The following SPECC1L variants were observed in gnomAD, a reference collection of about 807,000 sequenced individuals.
The protein encoded by SPECC1L is cytospin-A.
SPECC1L carries 40 observed loss-of-function variants against 116.8 expected under a neutral mutation model. That is an observed-to-expected ratio of 0.34 (90% CI 0.27 to 0.45). The LOEUF (loss-of-function observed/expected upper bound fraction) is 0.45. Ranked by LOEUF, SPECC1L falls within the 20% of genes least tolerant of loss-of-function variation. The probability of loss-of-function intolerance (pLI) is 1.00; values close to 1 mark genes in which losing one functional copy is unlikely to be tolerated. For synonymous variants in SPECC1L, 504 were observed against 500.6 expected (o/e 1.01, Z -0.09); for missense variants, 1,110 against 1,373.6 (o/e 0.81, Z 3.03).
intron 11 of SPECC1L, among the ~76,000 whole-genome samples, chr22:24,356,698 C>T (rs536960425): frequency 1.3e-5 from 2 of 152,170 alleles, no homozygotes; most frequent in South Asian, 2.1e-4. Flanking sequence ...ACCACCTTGT[C>T]GTGTTTTGTA....
chr22:24,305,644 G>A (rs1189757441), intron 3 of SPECC1L, among the ~76,000 whole-genome samples: 7 of 152,096 alleles, frequency 4.6e-5, no homozygotes, highest in Non-Finnish European at 1.0e-4. Context: ...ATTCTTATAT[G>A]TGTGTATTAA....
chr22:24,348,514 A>T (rs1187659374), intron 11 of SPECC1L, among the ~76,000 whole-genome samples: 1 of 152,054 alleles, frequency 6.6e-6, no homozygotes, highest in Non-Finnish European at 1.5e-5. Flanking sequence ...TGGCACAAAG[A>T]TTTGCCTTCT....
At chr22:24,276,309 G>C (rs576756739) in intron 1 of SPECC1L, among the ~76,000 whole-genome samples, 10 of 152,314 alleles carry the variant, frequency 6.6e-5, no homozygotes, top group Middle Eastern at 3.4e-3. Context: ...GTGCGCACCT[G>C]TGGTCTCAGG....
chr22:24,391,826 C>T (rs1017489953), intron 14 of SPECC1L, among the ~76,000 whole-genome samples: 1 of 152,134 alleles, frequency 6.6e-6, no homozygotes, highest in African/African-American at 2.4e-5. Context: ...CTTTTTCTTG[C>T]ATTCTTTTTC....
At chr22:24,283,310 C>A (rs988901703) in intron 2 of SPECC1L, among the ~76,000 whole-genome samples, 1 of 149,730 alleles carries the variant, frequency 6.7e-6, no homozygotes, top group African/African-American at 2.5e-5. Flanking sequence ...GATCTCCTGA[C>A]CTGGTGATCC....
At chr22:24,281,972 C>T (rs184837976) in intron 2 of SPECC1L, among the ~76,000 whole-genome samples, 216 of 152,304 alleles carry the variant, frequency 1.4e-3, no homozygotes, top group African/African-American at 5.0e-3. Flanking sequence ...AAATCAGTCT[C>T]CCTGAGCATT....
At chr22:24,382,770 C>T (rs1036942762) in intron 14 of SPECC1L, among the ~76,000 whole-genome samples, 1 of 151,196 alleles carries the variant, frequency 6.6e-6, no homozygotes, top group African/African-American at 2.4e-5. Flanking sequence ...TCTGTAGTCC[C>T]AGCTACTCAG....
intron 2 of SPECC1L, among the ~76,000 whole-genome samples, chr22:24,289,697 CTTT>C (rs74338225): frequency 1.4e-5 from 2 of 139,788 alleles, no homozygotes; most frequent in Admixed American, 7.2e-5. Context: ...TAACTACCTC[CTTT>C]TTTTTTTTTT....
chr22:24,407,493 G>A (rs781261862), intron 14 of SPECC1L, among the ~76,000 whole-genome samples: 6 of 152,314 alleles, frequency 3.9e-5, no homozygotes, highest in Middle Eastern at 3.4e-3. Context: ...GGCCAGGCAC[G>A]TCCACGACCC....
intron 11 of SPECC1L, among the ~76,000 whole-genome samples, chr22:24,349,015 C>T (rs1221775210): frequency 6.6e-6 from 1 of 152,000 alleles, no homozygotes; most frequent in Non-Finnish European, 1.5e-5. Context: ...CTTCTTCTTC[C>T]TCTCCTGTGT....
At chr22:24,303,457 C>T (rs2049423581) in intron 3 of SPECC1L, among the ~76,000 whole-genome samples, 1 of 152,150 alleles carries the variant, frequency 6.6e-6, no homozygotes, top group Non-Finnish European at 1.5e-5. Context: ...AGTGCTGCTG[C>T]TTTTTGGTGT....
chr22:24,411,995 G>A (rs574156019), intron 15 of SPECC1L, among the ~76,000 whole-genome samples: 2 of 152,338 alleles, frequency 1.3e-5, no homozygotes, highest in East Asian at 3.9e-4. Context: ...ACCAGGAGGG[G>A]CCCAAGAAGC....
At position 24,324,260 on chromosome 22, in the gene SPECC1L, A is replaced by G. The variant is rs199606998; in HGVS notation, c.1979A>G (p.Lys660Arg). 1.2e-5 allele frequency: 19 copies of G among 1,614,004 alleles called. No homozygotes were observed. The highest frequency in any genetic ancestry group is 6.7e-5 in the Admixed American group (4 of 60,004). The change falls in exon 6 of 17, where the codon AAA becomes AGA. Residue 660 changes from lysine (K) to arginine (R), a missense_variant. By Grantham distance (26) the Lys-to-Arg change is conservative. Coordinates refer to ENST00000314328, the MANE Select transcript of SPECC1L (RefSeq NM_015330.6). ...EYRAFQEEAKKQIEDLNMTLE... is the reference protein window; with the variant it reads ...EYRAFQEEAKRQIEDLNMTLE... ...CGAGCCTTCCAAGAAGAAGCTAAGA[A>G]ACAAATTGAAGATTTGAATATGACG...
At chr22:24,332,244 T>TA (rs1345833058) in intron 8 of SPECC1L, among the ~76,000 whole-genome samples, 1 of 152,210 alleles carries the variant, frequency 6.6e-6, no homozygotes, top group East Asian at 1.9e-4. Flanking sequence ...GAAAATTTGT[T>TA]ATTTACCATT....
chr22:24,277,616 A>G lies in SPECC1L; in HGVS notation c.-38+813A>G, dbSNP rs181459854. Among the ~76,000 whole-genome samples, 13 of 152,328 alleles carry G rather than the reference A, an allele frequency of 8.5e-5. No homozygotes were observed. The East Asian group carries it at 2.3e-3, about 27-fold the overall frequency. ...GCCTAGTCTAGGTATTTTTATGTAA[A>G]TGGCATCATACAACATGTGACCTTT... On this transcript the variant is annotated intron_variant, in intron 2 of 16. Transcript: ENST00000314328.
intron 9 of SPECC1L, among the ~76,000 whole-genome samples, chr22:24,335,297 C>T (rs912258241): frequency 1.3e-5 from 2 of 152,182 alleles, no homozygotes; most frequent in African/African-American, 4.8e-5. Flanking sequence ...TAAAATCCTT[C>T]GGTTGCTTAT....
intron 14 of SPECC1L, among the ~76,000 whole-genome samples, chr22:24,410,206 G>T (rs1261406185): frequency 6.6e-6 from 1 of 152,174 alleles, no homozygotes; most frequent in East Asian, 1.9e-4. Flanking sequence ...TTGGCAGGCT[G>T]GGGTGTAATG....
chr22:24,338,601 G>C (rs1285055035), intron 10 of SPECC1L, 124 bp downstream of exon 10: 3 of 767,656 alleles, frequency 3.9e-6, no homozygotes, highest in South Asian at 1.5e-5. Flanking sequence ...GATGTATCTA[G>C]AATTTGTTTC....
intron 2 of SPECC1L, among the ~76,000 whole-genome samples, chr22:24,295,921 C>T (rs1393080927): frequency 2.6e-5 from 4 of 152,160 alleles, no homozygotes; most frequent in Non-Finnish European, 4.4e-5. Flanking sequence ...GCACTCCAGA[C>T]TGGGGGAGAA....
Sources: allele counts gnomAD v4.1 joint callset (sites outside exome capture counted in the v4.1 genomes callset), GRCh38; gene constraint gnomAD v4.1.1; transcripts MANE v1.5; gene names NCBI Gene and HGNC (gene_info 2026-07-23, HGNC 2026-07-21).